MUC6: variants seen among roughly 807,000 people sequenced by gnomAD.
The protein encoded by MUC6 is mucin-6.
In MUC6, 188 loss-of-function variants were observed where a neutral mutation model predicts 201.5. The ratio of observed to expected loss-of-function variants is 0.93; its 90% CI spans 0.83 to 1.05. The LOEUF is 1.05. Among genes scored for constraint, MUC6 ranks in the 50% least tolerant of loss-of-function variants. The pLI is 0.00. For synonymous variants in MUC6, 1,228 were observed against 1,389.4 expected (o/e 0.88, Z 2.58); for missense variants, 2,706 against 3,256.9 (o/e 0.83, Z 4.12).
At position 1,029,319 on chromosome 11, in the gene MUC6, C is replaced by G; in HGVS notation, c.1184G>C (p.Gly395Ala). The part of the protein sequence containing the change: ...RWVCTERPCP[G>A]HCSLEGGSFV... ...GGAGCCACCTTCCAGGGAGCAGTGT[C>G]CGGGGCACGGCCGCTCCGTGCACAC... The change falls in exon 10 of 33, where the codon GGA becomes GCA. Residue 395 changes from glycine (G) to alanine (A), a missense_variant. By Grantham distance (60) the Gly-to-Ala change is moderately conservative. Transcript: ENST00000421673. 6.2e-7 allele frequency: 1 copy of G among 1,605,808 alleles called. No individual in the cohort carries two copies. Among genetic ancestry groups the G allele is most frequent in the Non-Finnish European group, 8.5e-7 (1 of 1,177,172 alleles).
At position 1,025,817 on chromosome 11, in the gene MUC6, C is replaced by T; in HGVS notation, c.2787G>A (p.Lys929=). The part of the protein sequence containing the change: ...NSGVTCSRAI[K]IFLGGLSVVL... ...CCCGGCTGCTCACCCCCAGGAAGAT[C>T]TTGATGGCCCGTGAGCATGTGACCC... is the stretch of plus-strand genomic sequence containing the variant. The change falls in exon 22 of 33, where the codon AAG becomes AAA. Residue 929 remains lysine (K), a synonymous_variant. Transcript: ENST00000421673. 2 of 1,612,356 alleles carry T rather than the reference C, an allele frequency of 1.2e-6. No individual in the cohort carries two copies. The highest frequency in any genetic ancestry group is 8.5e-7 in the Non-Finnish European group (1 of 1,179,662).
intron 22 of MUC6, among the ~76,000 whole-genome samples, chr11:1,025,579 C>T (rs1303122409): frequency 6.6e-6 from 1 of 152,206 alleles, no homozygotes; most frequent in African/African-American, 2.4e-5. Context: ...AGTCCCTCCC[C>T]TCTGCCCGGG....
intron 1 of MUC6, among the ~76,000 whole-genome samples, chr11:1,035,763 C>T (rs576101886): frequency 8.5e-5 from 13 of 152,272 alleles, no homozygotes; most frequent in South Asian, 8.3e-4. Context: ...GTCACGCCAG[C>T]GTCCACCCCA....
rs1486455208 is a variant in MUC6 at position 1,015,823 on chromosome 11, A to G, written c.6978T>C (p.His2326=). The G allele has an allele frequency of 1.4e-5, 22 of 1,579,010 alleles. No individual in the cohort carries two copies. The highest frequency in any genetic ancestry group is 1.8e-5 in the Non-Finnish European group (21 of 1,160,742). Residue 2326 remains histidine, a synonymous_variant, in exon 31 of 33, where the codon CAT becomes CAC. Coordinates refer to ENST00000421673, the MANE Select transcript of MUC6 (RefSeq NM_005961.3). ...CCGGGGCAGAAGCAGGGGTGCTTCC[A>G]TGGGCAGTGAGGGAGCTGGTCAGGA... The part of the protein sequence containing the change: ...TRFLTSSLTA[H]GSTPASAPVS...
rs1857051196 is a variant in MUC6, at chr11:1,029,493, A to G, written c.1136+2T>C. On this transcript the variant is annotated splice_donor_variant, in intron 9 of 32. Transcript: ENST00000421673. LOFTEE classifies it high-confidence loss of function. The stretch of plus-strand genomic sequence containing the variant: ...CAGAGCCCCCTCCGGCGCCTCACTC[A>G]CCAGGTTTGGCAGGCAGCTATTGTG... 9.3e-6 allele frequency: 15 copies of G among 1,611,810 alleles called. No individual in the cohort carries two copies. The highest frequency in any genetic ancestry group is 1.3e-5 in the African/African-American group (1 of 74,844).
chr11:1,029,948 C>T (rs1479004248), intron 8 of MUC6, among the ~76,000 whole-genome samples: 1 of 152,254 alleles, frequency 6.6e-6, no homozygotes, highest in African/African-American at 2.4e-5. Context: ...CGGCTCAAAC[C>T]CTGCCTTCCC....
intron 7 of MUC6, 31 bp from the exon 8 acceptor site, chr11:1,030,366 T>TGGCCCCCCCCCCCC: frequency 6.7e-7 from 1 of 1,489,582 alleles, no homozygotes. Flanking sequence ...GGTGAGAGGG[T>TGGCCCCCCCCCCCC]CCCACCCCCC....
At chr11:1,026,897 G>T (rs1327598918) in intron 19 of MUC6, 44 bp downstream of exon 19, 1 of 1,491,788 alleles carries the variant, frequency 6.7e-7, no homozygotes, top group South Asian at 1.2e-5. Context: ...TCATGGTTCA[G>T]CTGGGGCCCG....
rs375412487 is a variant in MUC6 at position 1,020,161 on chromosome 11, G to A, written c.3737C>T (p.Pro1246Leu). ...GAGGGGTGTCTGGGTGGGGCTGGCAGGGGTGTGATTAGAGCTGGGTGAGGG... is the reference window on the plus strand; with the variant it reads ...GAGGGGTGTCTGGGTGGGGCTGGCAAGGGTGTGATTAGAGCTGGGTGAGGG... The part of the protein sequence containing the change: ...TGPSPSSNHT[P>L]ASPTQTPLLP... Residue 1246 changes from proline to leucine, a missense_variant, in exon 29 of 33, where the codon CCT (proline) becomes CTT (leucine). By Grantham distance (98) the Pro-to-Leu change is moderately conservative. Transcript: ENST00000421673. 2 of 1,613,030 alleles carry A rather than the reference G, an allele frequency of 1.2e-6. No individual in the cohort carries two copies. Among genetic ancestry groups the A allele is most frequent in the African/African-American group, 1.3e-5 (1 of 74,914 alleles).
At position 1,019,368 on chromosome 11, in the gene MUC6, C is replaced by T. The variant is rs373080345; in HGVS notation, c.3937G>A (p.Ala1313Thr). 183 of 1,613,678 alleles carry T rather than the reference C, an allele frequency of 1.1e-4. 2 individuals carry two copies. The highest frequency in any genetic ancestry group is 1.0e-3 in the South Asian group (93 of 91,074). Residue 1313 changes from alanine to threonine, a missense_variant, in exon 30 of 33, where the codon GCC becomes ACC. Physicochemically the swap from Ala to Thr is moderately conservative, Grantham distance 58. This residue lies in a region of MUC6 where 1,850 missense variants were observed against 1,958.3 expected (regional missense o/e 0.94). Coordinates refer to ENST00000421673, the MANE Select transcript of MUC6 (RefSeq NM_005961.3). ...QATTRATASTASPATTSTAQS... is the reference protein window; with the variant it reads ...QATTRATASTTSPATTSTAQS... ...GCTGTGGACGTCGTGGCTGGGCTGG[C>T]GGTCGACGCCGTGGCCCTGGTTGTG...
At position 1,031,599 on chromosome 11, in the gene MUC6, C is replaced by T. The variant is rs1303682320; in HGVS notation, c.483+8G>A. On this transcript the variant is annotated splice_region_variant and intron_variant, in intron 4 of 32. Coordinates refer to ENST00000421673, the MANE Select transcript of MUC6 (RefSeq NM_005961.3). ...TCTCCAGGCCCACCCTGGCCCTTCT[C>T]TCCTCACCATGAGGTGGCTGTCAGG... The T allele has an allele frequency of 5.4e-5, 83 of 1,547,002 alleles. No individual in the cohort carries two copies. The highest frequency in any genetic ancestry group is 7.0e-5 in the Non-Finnish European group (80 of 1,146,986).
Position 1,013,942 on chromosome 11 carries a change from C to A in MUC6, c.7099G>T (p.Val2367Leu). Residue 2367 changes from valine to leucine, a missense_variant, in exon 32 of 33, where the codon GTG becomes TTG. Physicochemically the swap from Val to Leu is conservative, Grantham distance 32 (BLOSUM62 1). Transcript: ENST00000421673. ...GCGCCCTCACAGCGGGTTACCGTCA[C>A]GTTCGCCATGCACCCCTTGAACGTG... ...EITFKGCMAN[V>L]TVTRCEGACI... 1 of 1,609,002 alleles carries A rather than the reference C, an allele frequency of 6.2e-7. No homozygotes were observed. Among genetic ancestry groups the A allele is most frequent in the Non-Finnish European group, 8.5e-7 (1 of 1,178,350 alleles).
At chr11:1,035,724 G>A (rs1857201911) in intron 1 of MUC6, among the ~76,000 whole-genome samples, 2 of 152,144 alleles carry the variant, frequency 1.3e-5, no homozygotes, top group African/African-American at 4.8e-5. Flanking sequence ...GAGGCGCCCA[G>A]GTTGGCAGCA....
At position 1,033,417 on chromosome 11, in the gene MUC6, T is replaced by C. The variant is rs1223179743; in HGVS notation, c.53-342A>G. ...TCTGGGTGGGGCTAGGAGGGGCTGG[T>C]GCGGGTGGCAGGGGCTTGGCGGCGG... On this transcript the variant is annotated intron_variant, in intron 1 of 32. Transcript: ENST00000421673. The surrounding 1 kb of genome is among the most constrained non-coding windows in gnomAD (Gnocchi z 5.6). 6.6e-6 allele frequency among the ~76,000 whole-genome samples: 1 copy of C among 152,042 alleles called. No individual in the cohort carries two copies.
intron 7 of MUC6, 31 bp from the exon 8 acceptor site, chr11:1,030,366 T>TGCCACCCCCCCCCCCCCCCCCCCC: frequency 2.0e-6 from 3 of 1,489,588 alleles, no homozygotes; most frequent in Non-Finnish European, 1.8e-6. Flanking sequence ...GGTGAGAGGG[T>TGCCACCCCCCCCCCCCCCCCCCCC]CCCACCCCCC....
chr11:1,024,791 C>T, intron 24 of MUC6, 53 bp downstream of exon 24: 1 of 1,580,612 alleles, frequency 6.3e-7, no homozygotes, highest in African/African-American at 1.3e-5. Flanking sequence ...TCCCCCGCCC[C>T]CACCGGACAT....
chr11:1,028,208 G>A lies in MUC6; in HGVS notation c.1753+18C>T, dbSNP rs528925760. ...GCGCTGGGGGGGCAGCCAGGGGAGT[G>A]GGGGGCCGGACACTCACTGTTGAGC... is the stretch of plus-strand genomic sequence containing the variant. On this transcript the variant is annotated intron_variant, in intron 14 of 32. Transcript: ENST00000421673. 9.5e-5 allele frequency: 147 copies of A among 1,554,668 alleles called. No homozygotes were observed. In the African/African-American group the frequency reaches 1.8e-3, roughly 19 times the overall value.
At position 1,028,887 on chromosome 11, in the gene MUC6, A is replaced by G. The variant is rs750757614; in HGVS notation, c.1453+2T>C. The stretch of plus-strand genomic sequence containing the variant: ...GGGGCCACAGACTGGGCCAGGACGT[A>G]CGAGTCTTGTATGGCAGCCACTTGG... On this transcript the variant is annotated splice_donor_variant, in intron 12 of 32. Coordinates refer to ENST00000421673, the MANE Select transcript of MUC6 (RefSeq NM_005961.3). LOFTEE classifies it high-confidence loss of function. 5.0e-6 allele frequency: 8 copies of G among 1,612,160 alleles called. No homozygotes were observed. In the African/African-American group the frequency reaches 9.3e-5, roughly 19 times the overall value.
intron 26 of MUC6, among the ~76,000 whole-genome samples, chr11:1,022,998 ATGTG>A (rs758427565): frequency 1.6e-4 from 25 of 151,664 alleles, no homozygotes; most frequent in African/African-American, 5.8e-4. Flanking sequence ...GGGTGAGTAA[ATGTG>A]TGAATGAGCA....
Sources: gnomAD v4.1 joint callset for allele counts (sites outside exome capture counted in the v4.1 genomes callset) on GRCh38, gnomAD v4.1.1 for gene constraint, gnomAD v4.1.1 regional missense constraint, Gnocchi (gnomAD v3.1) non-coding constraint, MANE v1.5 for transcripts, NCBI Gene and HGNC (gene_info 2026-07-23, HGNC 2026-07-21) for gene names.